PAIP2: variants seen among roughly 807,000 people sequenced by gnomAD.
PAIP2 encodes poly(A) binding protein interacting protein 2, also known as polyadenylate-binding protein-interacting protein 2.
PAIP2 carries 7 observed loss-of-function variants against 14.8 expected under a neutral mutation model. The ratio of observed to expected loss-of-function variants is 0.47; its 90% confidence interval spans 0.27 to 0.89. The LOEUF (loss-of-function observed/expected upper bound fraction) is 0.89, where lower values mean the gene tolerates loss of function less well. Among genes scored for constraint, PAIP2 ranks in the 40% least tolerant of loss-of-function variants. The probability of loss-of-function intolerance (pLI) is 0.13; values close to 1 mark genes in which losing one functional copy is unlikely to be tolerated. For synonymous variants in PAIP2, 47 were observed against 45.3 expected, an observed-to-expected ratio of 1.04 and a Z score of -0.15; for missense variants, 122 against 154.7, an observed-to-expected ratio of 0.79 and a Z score of 1.12.
chr5:139,350,845 CAGAAT>C (rs1284214047), intron 1 of PAIP2, among the ~76,000 whole-genome samples: 2 of 151,958 alleles, frequency 1.3e-5, no homozygotes, highest in African/African-American at 4.8e-5. Context: ...TAAAGAATCT[CAGAAT>C]AGATTCAGAC....
At chr5:139,356,812 G>A (rs544016416) in intron 1 of PAIP2, among the ~76,000 whole-genome samples, 13 of 150,626 alleles carry the variant, frequency 8.6e-5, no homozygotes, top group Admixed American at 4.0e-4. Context: ...GCTTGAACCC[G>A]GGAGGTGGAG....
intron 1 of PAIP2, among the ~76,000 whole-genome samples, chr5:139,358,173 A>G (rs1262401274): frequency 1.3e-5 from 2 of 152,296 alleles, no homozygotes; most frequent in East Asian, 3.9e-4. Flanking sequence ...CTTGACTTGA[A>G]TTTCAGCTCC....
intron 1 of PAIP2, among the ~76,000 whole-genome samples, chr5:139,360,201 G>C (rs922565358): frequency 6.6e-6 from 1 of 151,920 alleles, no homozygotes; most frequent in Non-Finnish European, 1.5e-5. Flanking sequence ...TCCCGATCTC[G>C]TGATCTGCCC....
In PAIP2 at chr5:139,368,365, TAA is replaced by T. The variant is rs780504264; in HGVS notation, c.319-364_319-363del. Among the ~76,000 whole-genome samples, 257 of 148,150 alleles carry T rather than the reference TAA, an allele frequency of 1.7e-3. 3 individuals carry two copies. Among genetic ancestry groups the T allele is most frequent in the East Asian group, 0.015 (76 of 4,976 alleles). On this transcript the variant is annotated intron_variant, in intron 3 of 3. Transcript: ENST00000265192. ...ATAAAAAAAAAACTAAATAAATAAA[TAA>T]AAATACAAAAAATTAGTTGGGTGTG... is the stretch of plus-strand genomic sequence containing the variant.
chr5:139,356,655 G>A (rs988543755), intron 1 of PAIP2, among the ~76,000 whole-genome samples: 4 of 151,972 alleles, frequency 2.6e-5, no homozygotes, highest in South Asian at 2.1e-4. Flanking sequence ...AGTCCAAGGC[G>A]AGTGGATTAT....
chr5:139,353,922 A>G (rs1016195338), intron 1 of PAIP2, among the ~76,000 whole-genome samples: 2 of 151,992 alleles, frequency 1.3e-5, no homozygotes, highest in Non-Finnish European at 2.9e-5. Flanking sequence ...GGGTTTTGCC[A>G]TGTTGGCCAG....
chr5:139,348,229 C>T (rs888275837), intron 1 of PAIP2, among the ~76,000 whole-genome samples: 2 of 151,900 alleles, frequency 1.3e-5, no homozygotes, highest in Non-Finnish European at 2.9e-5. Context: ...TGCTGTGTCA[C>T]CCAGGCTGGG....
chr5:139,347,146 C>T (rs1321677046), intron 1 of PAIP2, among the ~76,000 whole-genome samples: 1 of 151,642 alleles, frequency 6.6e-6, no homozygotes. Flanking sequence ...AATTGATTTT[C>T]TACAACATTG....
chr5:139,366,198 A>C (rs139890313), intron 3 of PAIP2, among the ~76,000 whole-genome samples: 7 of 130,380 alleles, frequency 5.4e-5, no homozygotes, highest in Middle Eastern at 3.8e-3. Flanking sequence ...GTGAGACTCC[A>C]CCTCAAAAAA....
intron 1 of PAIP2, among the ~76,000 whole-genome samples, chr5:139,344,116 C>T (rs1021003620): frequency 6.6e-6 from 1 of 152,076 alleles, no homozygotes; most frequent in African/African-American, 2.4e-5. Context: ...TAATTTGATC[C>T]ACAACATAGC....
In PAIP2 at chr5:139,363,772, A is replaced by G. The variant is rs1757140599; in HGVS notation, c.-13A>G. 1.9e-6 allele frequency: 3 copies of G among 1,611,890 alleles called. No individual in the cohort carries two copies. The highest frequency in any genetic ancestry group is 1.1e-5 in the South Asian group (1 of 90,552). The stretch of plus-strand genomic sequence containing the variant: ...TGTTCTTTTAAGGTTAAAAACGACA[A>G]CCAACATCAGCCATGAAAGATCCAA... On this transcript the variant is annotated 5_prime_UTR_variant, in exon 2 of 4. Coordinates refer to ENST00000265192, the MANE Select transcript of PAIP2 (RefSeq NM_016480.5).
At chr5:139,349,142 ATAATTT>A (rs964267710) in intron 1 of PAIP2, among the ~76,000 whole-genome samples, 3 of 152,236 alleles carry the variant, frequency 2.0e-5, no homozygotes, top group African/African-American at 7.2e-5. Context: ...TGTAAGTAAA[ATAATTT>A]TAAAGGGCTT....
intron 2 of PAIP2, 105 bp downstream of exon 2, chr5:139,364,027 T>A: frequency 2.2e-6 from 2 of 916,606 alleles, no homozygotes; most frequent in Non-Finnish European, 3.4e-6. Flanking sequence ...ATAAAGTATG[T>A]AGACTGATGT....
chr5:139,353,723 C>CTT (rs11371364), intron 1 of PAIP2, among the ~76,000 whole-genome samples: 102 of 145,746 alleles, frequency 7.0e-4, no homozygotes, highest in Admixed American at 7.5e-4. Flanking sequence ...ATTGTCTTTT[C>CTT]TTTTTTTTTT....
chr5:139,359,697 CGGT>C (rs1217484776), intron 1 of PAIP2, among the ~76,000 whole-genome samples: 1 of 151,538 alleles, frequency 6.6e-6, no homozygotes, highest in Non-Finnish European at 1.5e-5. Context: ...CGGCCGGACA[CGGT>C]GGCTCATGCC....
At chr5:139,361,227 A>G (rs577716255) in intron 1 of PAIP2, among the ~76,000 whole-genome samples, 26 of 152,136 alleles carry the variant, frequency 1.7e-4, no homozygotes, top group African/African-American at 5.8e-4. Context: ...ATGAACAGCT[A>G]TGGATTTTTA....
intron 1 of PAIP2, among the ~76,000 whole-genome samples, chr5:139,349,439 G>A (rs144851755): frequency 2.0e-5 from 3 of 151,878 alleles, no homozygotes; most frequent in Non-Finnish European, 2.9e-5. Flanking sequence ...AGTAGATACC[G>A]GGTTTCGCCA....
At chr5:139,366,118 G>T (rs934695155) in intron 3 of PAIP2, among the ~76,000 whole-genome samples, 1 of 150,754 alleles carries the variant, frequency 6.6e-6, no homozygotes, top group African/African-American at 2.4e-5. Context: ...CAGGAGAATC[G>T]CATGAATCTG....
At chr5:139,359,408 G>A (rs1391794392) in intron 1 of PAIP2, among the ~76,000 whole-genome samples, 13 of 151,982 alleles carry the variant, frequency 8.6e-5, no homozygotes, top group African/African-American at 2.2e-4. Context: ...CAAAGTGCTC[G>A]GATTACAGGC....
Sources: allele counts gnomAD v4.1 joint callset (sites outside exome capture counted in the v4.1 genomes callset), GRCh38; gene constraint gnomAD v4.1.1; transcripts MANE v1.5; gene names NCBI Gene and HGNC (gene_info 2026-07-23, HGNC 2026-07-21).